Variants in GRIK4 observed in about 807,000 individuals in gnomAD.
The protein encoded by GRIK4 is glutamate receptor ionotropic, kainate 4.
Under a neutral mutation model 104.9 loss-of-function variants are expected in GRIK4, and 40 were observed. The observed-to-expected ratio is 0.38, with a 90% CI of 0.30 to 0.50. GRIK4 has a LOEUF of 0.50. Among genes scored for constraint, GRIK4 ranks in the 20% least tolerant of loss-of-function variants. The probability of loss-of-function intolerance (pLI) is 0.93; values close to 1 mark genes in which losing one functional copy is unlikely to be tolerated. For synonymous variants in GRIK4, 485 were observed against 524.9 expected, an observed-to-expected ratio of 0.92 and a Z score of 1.04; for missense variants, 1,047 against 1,308.1, an observed-to-expected ratio of 0.80 and a Z score of 3.08.
Position 120,902,761 on chromosome 11 carries a change from A to G in GRIK4, c.1273-2529A>G, listed in dbSNP as rs1054964005. 1.2e-4 allele frequency among the ~76,000 whole-genome samples: 18 copies of G among 152,164 alleles called. No individual in the cohort carries two copies. Among genetic ancestry groups the G allele is most frequent in the Admixed American group, 3.9e-4 (6 of 15,284 alleles). ...CTGAGACATGGGTTGGCACAGAAGGAGGCAGTGTGACTCTGCGGACAAAGA... is the reference window on the plus strand; with the variant it reads ...CTGAGACATGGGTTGGCACAGAAGGGGGCAGTGTGACTCTGCGGACAAAGA... On this transcript the variant is annotated intron_variant, in intron 12 of 20. Coordinates refer to ENST00000527524, the MANE Select transcript of GRIK4 (RefSeq NM_014619.5). The surrounding 1 kb of genome is among the most constrained non-coding windows in gnomAD (Gnocchi z 4.5).
intron 13 of GRIK4, among the ~76,000 whole-genome samples, chr11:120,931,506 C>T (rs1044979671): frequency 3.9e-5 from 6 of 152,128 alleles, no homozygotes; most frequent in African/African-American, 1.2e-4. Context: ...TCACTAGAGC[C>T]GATTGAATGT....
At chr11:120,608,156 G>T (rs776821246) in intron 1 of GRIK4, among the ~76,000 whole-genome samples, 4 of 152,210 alleles carry the variant, frequency 2.6e-5, no homozygotes, top group Non-Finnish European at 5.9e-5. Context: ...TGGAAAAGGT[G>T]TGTAAGGTCA....
intron 1 of GRIK4, among the ~76,000 whole-genome samples, chr11:120,649,702 C>G (rs1350929912): frequency 6.6e-6 from 1 of 152,202 alleles, no homozygotes; most frequent in Non-Finnish European, 1.5e-5. Context: ...GCACACACAC[C>G]CTCACTCAAA....
intron 3 of GRIK4, among the ~76,000 whole-genome samples, chr11:120,770,677 TG>T (rs1951924298): frequency 6.6e-6 from 1 of 152,248 alleles, no homozygotes; most frequent in Non-Finnish European, 1.5e-5. Context: ...TGTTTGTGTC[TG>T]CCCCGCCCCT....
rs547608026 is a variant in GRIK4 at position 120,581,528 on chromosome 11, A to G, written c.-159+69641A>G. On this transcript the variant is annotated intron_variant, in intron 1 of 20. Coordinates refer to ENST00000527524, the MANE Select transcript of GRIK4 (RefSeq NM_014619.5). ...TCTCTAGAGCTCTTTCAATCTTGCA[A>G]AACTGAAACTCTGTACCCATTAAAT... Among the ~76,000 whole-genome samples the G allele has an allele frequency of 2.6e-5, 4 of 152,304 alleles. No homozygotes were observed. The South Asian group carries it at 8.3e-4, about 32-fold the overall frequency.
chr11:120,640,132 C>T (rs1174594129), intron 1 of GRIK4, among the ~76,000 whole-genome samples: 5 of 152,086 alleles, frequency 3.3e-5, no homozygotes, highest in Non-Finnish European at 5.9e-5. Flanking sequence ...CATAGAGTAG[C>T]GTGAAAGCAA....
At position 120,746,409 on chromosome 11, in the gene GRIK4, G is replaced by A. The variant is rs537060980; in HGVS notation, c.83-56284G>A. ...TGCTGATTTTTTAGATACGGTGTGG[G>A]ACAGGTAGGTGCCTAGGTAGGTAGG... On this transcript the variant is annotated intron_variant, in intron 3 of 20. Transcript: ENST00000527524. Among the ~76,000 whole-genome samples, 315 of 152,274 alleles carry A rather than the reference G, an allele frequency of 2.1e-3. 3 individuals carry two copies. Among genetic ancestry groups the A allele is most frequent in the Non-Finnish European group, 3.5e-3 (239 of 68,016 alleles).
intron 1 of GRIK4, among the ~76,000 whole-genome samples, chr11:120,619,605 A>G (rs1468391194): frequency 6.6e-6 from 1 of 152,044 alleles, no homozygotes; most frequent in Non-Finnish European, 1.5e-5. Flanking sequence ...AGGTGATTGG[A>G]TTGTGGAGGT....
At chr11:120,770,678 G>C (rs918701149) in intron 3 of GRIK4, among the ~76,000 whole-genome samples, 5 of 152,188 alleles carry the variant, frequency 3.3e-5, no homozygotes, top group African/African-American at 1.2e-4. Context: ...GTTTGTGTCT[G>C]CCCCGCCCCT....
chr11:120,673,250 A>G (rs1341632182), intron 3 of GRIK4, among the ~76,000 whole-genome samples: 1 of 152,236 alleles, frequency 6.6e-6, no homozygotes, highest in Admixed American at 6.5e-5. Context: ...CATGGTGTAT[A>G]GTAGGTGTCC....
intron 13 of GRIK4, among the ~76,000 whole-genome samples, chr11:120,926,425 T>C (rs1468439764): frequency 1.3e-5 from 2 of 152,218 alleles, no homozygotes; most frequent in Non-Finnish European, 2.9e-5. Flanking sequence ...GGCACTGTTC[T>C]AAGTGCTTTT....
At chr11:120,566,690 C>A (rs1269512893) in intron 1 of GRIK4, among the ~76,000 whole-genome samples, 1 of 149,626 alleles carries the variant, frequency 6.7e-6, no homozygotes, top group African/African-American at 2.4e-5. Context: ...GATTTTTTTT[C>A]TTGTTTATAC....
At chr11:120,746,590 G>C (rs1016687886) in intron 3 of GRIK4, among the ~76,000 whole-genome samples, 4 of 152,198 alleles carry the variant, frequency 2.6e-5, no homozygotes, top group Non-Finnish European at 4.4e-5. Context: ...TGCCTTAGGA[G>C]AGGAACTGTC....
chr11:120,830,346 G>A (rs962959339), intron 6 of GRIK4, among the ~76,000 whole-genome samples: 49 of 152,278 alleles, frequency 3.2e-4, no homozygotes, highest in African/African-American at 1.1e-3. Context: ...GGGTTGGATA[G>A]AAATCAGAAA....
chr11:120,894,805 C>T (rs1259629389), intron 11 of GRIK4: 1 of 152,230 alleles, frequency 6.6e-6, no homozygotes, highest in East Asian at 1.9e-4. Context: ...CCTGCCCACT[C>T]CTGGCACGTG....
At chr11:120,678,992 A>G (rs1591796784) in intron 3 of GRIK4, among the ~76,000 whole-genome samples, 2 of 152,116 alleles carry the variant, frequency 1.3e-5, no homozygotes, top group East Asian at 3.9e-4. Flanking sequence ...AATCCTTAAA[A>G]TAGAGGGAAT....
chr11:120,798,989 G>A (rs1952574651), intron 3 of GRIK4, among the ~76,000 whole-genome samples: 1 of 152,134 alleles, frequency 6.6e-6, no homozygotes, highest in Non-Finnish European at 1.5e-5. Context: ...TGGGACTGCT[G>A]GCTCCGGAGC....
chr11:120,800,635 A>G (rs1952604952), intron 3 of GRIK4, among the ~76,000 whole-genome samples: 1 of 152,194 alleles, frequency 6.6e-6, no homozygotes, highest in Admixed American at 6.5e-5. Context: ...CGCCCCATGC[A>G]TGGCCAACCT....
rs868256545 is a variant in GRIK4 at position 120,987,187 on chromosome 11, A to T, written c.*927A>T. ...CAGACAGGGGAGGAGAACAGAATGC[A>T]CAAAGTATCCTAGGACTTTGTTTAA... is the stretch of plus-strand genomic sequence containing the variant. On this transcript the variant is annotated 3_prime_UTR_variant, in exon 21 of 21. Transcript: ENST00000527524. 2 of 152,270 alleles carry T rather than the reference A, an allele frequency of 1.3e-5. No homozygotes were observed. The highest frequency in any genetic ancestry group is 2.9e-5 in the Non-Finnish European group (2 of 68,056). The allele number at this position is 152,270 out of a possible 1,614,324, so 9.4% of individuals were successfully genotyped here.
Sources: gnomAD v4.1 joint callset for allele counts (sites outside exome capture counted in the v4.1 genomes callset) on GRCh38, gnomAD v4.1.1 for gene constraint, Gnocchi (gnomAD v3.1) non-coding constraint, MANE v1.5 for transcripts, NCBI Gene and HGNC (gene_info 2026-07-23, HGNC 2026-07-21) for gene names.